SLC15A1: variants seen among roughly 807,000 people sequenced by gnomAD.
SLC15A1 encodes solute carrier family 15 member 1, also known as Caco-2 oligopeptide transporter.
SLC15A1 carries 83 observed loss-of-function variants against 92.9 expected under a neutral mutation model. That is an observed-to-expected ratio of 0.89 (90% CI 0.75 to 1.07). SLC15A1 has a LOEUF of 1.07. Ranked by LOEUF, SLC15A1 falls within the 50% of genes least tolerant of loss-of-function variation. SLC15A1 has a pLI of 0.00. For synonymous variants in SLC15A1, 322 were observed against 318.2 expected (o/e 1.01, Z -0.13); for missense variants, 857 against 880.1 (o/e 0.97, Z 0.33).
intron 21 of SLC15A1, 102 bp downstream of exon 21, chr13:98,687,479 T>G (rs952988471): frequency 7.1e-7 from 1 of 1,409,408 alleles, no homozygotes; most frequent in Admixed American, 2.1e-5. Flanking sequence ...CTTTCTAGAC[T>G]TTTTAAAAAA....
intron 1 of SLC15A1, among the ~76,000 whole-genome samples, chr13:98,750,260 A>T (rs1176272943): frequency 6.6e-6 from 1 of 151,948 alleles, no homozygotes; most frequent in Non-Finnish European, 1.5e-5. Context: ...CAACAGGCAC[A>T]TGCCACCATG....
intron 18 of SLC15A1, among the ~76,000 whole-genome samples, chr13:98,693,889 T>C (rs2088002020): frequency 6.6e-6 from 1 of 152,242 alleles, no homozygotes; most frequent in African/African-American, 2.4e-5. Flanking sequence ...TGGCTTCCCT[T>C]TGTTCTCAGA....
chr13:98,684,650 G>C lies in SLC15A1; in HGVS notation c.*74C>G, dbSNP rs1328142087. 10 of 1,184,954 alleles carry C rather than the reference G, an allele frequency of 8.4e-6. No homozygotes were observed. Among genetic ancestry groups the C allele is most frequent in the Non-Finnish European group, 1.2e-5 (10 of 809,182 alleles). 73.4% of individuals were successfully genotyped at this position (1,184,954 alleles called of 1,614,324 possible). On this transcript the variant is annotated 3_prime_UTR_variant, in exon 23 of 23. Coordinates refer to ENST00000376503, the MANE Select transcript of SLC15A1 (RefSeq NM_005073.4). The stretch of plus-strand genomic sequence containing the variant: ...CTTCCTCATCAGGGGCCATCCAATG[G>C]AGTGTCCTGCTACCTGGGGGCAGAG...
At chr13:98,704,191 TA>T in intron 17 of SLC15A1, 97 bp downstream of exon 17, 2 of 1,122,250 alleles carry the variant, frequency 1.8e-6, no homozygotes, top group Middle Eastern at 2.1e-4. Flanking sequence ...TGATCTAATA[TA>T]ACACTATATG....
chr13:98,687,352 G>T (rs905231788), intron 21 of SLC15A1, among the ~76,000 whole-genome samples: 6 of 152,228 alleles, frequency 3.9e-5, no homozygotes, highest in African/African-American at 1.4e-4. Flanking sequence ...TGACTGTGGG[G>T]CTATGGACAC....
chr13:98,693,851 G>A (rs1263133997), intron 18 of SLC15A1, among the ~76,000 whole-genome samples: 3 of 152,236 alleles, frequency 2.0e-5, no homozygotes, highest in Non-Finnish European at 4.4e-5. Context: ...AAGGGAAAGC[G>A]AAGCTTGGGA....
In SLC15A1 at chr13:98,704,272, G is replaced by T; in HGVS notation, c.1416+17C>A. The T allele has an allele frequency of 1.3e-6, 2 of 1,573,198 alleles. No individual in the cohort carries two copies. Among genetic ancestry groups the T allele is most frequent in the Non-Finnish European group, 1.7e-6 (2 of 1,165,096 alleles). On this transcript the variant is annotated intron_variant, in intron 17 of 22. Transcript: ENST00000376503. ...CACAAATAGCAAAGAGTCAGCTGTA[G>T]GTCTTCACACACTTACCACCTGGTA...
chr13:98,689,972 C>T (rs780415441), intron 18 of SLC15A1, among the ~76,000 whole-genome samples: 1 of 152,200 alleles, frequency 6.6e-6, no homozygotes, highest in Non-Finnish European at 1.5e-5. Flanking sequence ...GTGAACAGCA[C>T]GGATGGCTGA....
rs33982897 is a variant in SLC15A1, at chr13:98,705,202, GA to G, written c.1270-768del. Among the ~76,000 whole-genome samples, 240 of 127,076 alleles carry G rather than the reference GA, an allele frequency of 1.9e-3. 2 individuals carry two copies. Among genetic ancestry groups the G allele is most frequent in the Non-Finnish European group, 3.1e-3 (195 of 62,350 alleles). 83.4% of individuals were successfully genotyped at this position (127,076 alleles called of 152,430 possible). A position where few individuals can be genotyped will look rare whatever the true frequency, so the allele number is the denominator to read the frequency against. On this transcript the variant is annotated intron_variant, in intron 16 of 22. Transcript: ENST00000376503. ...CGACAGAGTGAGGCTCTGTATTTAAGAAAAAAAAAAAAAAAAAGGGATCTCT... is the reference window on the plus strand; with the variant it reads ...CGACAGAGTGAGGCTCTGTATTTAAGAAAAAAAAAAAAAAAAGGGATCTCT...
intron 4 of SLC15A1, among the ~76,000 whole-genome samples, chr13:98,725,894 T>C (rs1385452368): frequency 6.6e-6 from 1 of 152,124 alleles, no homozygotes; most frequent in Non-Finnish European, 1.5e-5. Flanking sequence ...CCTTGCTAAT[T>C]TCTTTATTTT....
chr13:98,694,154 C>T (rs2088004364), intron 18 of SLC15A1, among the ~76,000 whole-genome samples: 1 of 152,122 alleles, frequency 6.6e-6, no homozygotes, highest in South Asian at 2.1e-4. Flanking sequence ...CTTTTTAAAG[C>T]ATCAAATTAT....
Position 98,709,730 on chromosome 13 carries a change from C to T in SLC15A1, c.978+12G>A. On this transcript the variant is annotated intron_variant, in intron 13 of 22. Transcript: ENST00000376503. ...GACTCTGATCCCTGAAAGCAACTTA[C>T]ATGTCTTCTACCTGCATCTGATCGG... 1 of 1,614,202 alleles carries T rather than the reference C, an allele frequency of 6.2e-7. No individual in the cohort carries two copies. The highest frequency in any genetic ancestry group is 8.5e-7 in the Non-Finnish European group (1 of 1,180,036).
chr13:98,740,342 C>G (rs2088434394), intron 1 of SLC15A1, among the ~76,000 whole-genome samples: 1 of 152,204 alleles, frequency 6.6e-6, no homozygotes, highest in South Asian at 2.1e-4. Flanking sequence ...CACCAGCAAC[C>G]TGAGCTTCCC....
At chr13:98,690,835 G>A (rs2087969432) in intron 18 of SLC15A1, among the ~76,000 whole-genome samples, 1 of 152,042 alleles carries the variant, frequency 6.6e-6, no homozygotes, top group Non-Finnish European at 1.5e-5. Context: ...ACAATGGTAA[G>A]GATTTGCACA....
At chr13:98,726,955 G>T in intron 1 of SLC15A1, 96 bp from the exon 2 acceptor site, 1 of 1,199,868 alleles carries the variant, frequency 8.3e-7, no homozygotes, top group Non-Finnish European at 1.2e-6. Flanking sequence ...AGGGTGGTCA[G>T]AGGGGCCATT....
At chr13:98,736,340 T>C (rs1193319490) in intron 1 of SLC15A1, among the ~76,000 whole-genome samples, 2 of 152,122 alleles carry the variant, frequency 1.3e-5, no homozygotes, top group African/African-American at 4.8e-5. Context: ...AAAAATTAAT[T>C]CAAGATGGAT....
intron 1 of SLC15A1, among the ~76,000 whole-genome samples, chr13:98,732,741 C>T (rs2088360946): frequency 6.6e-6 from 1 of 152,098 alleles, no homozygotes; most frequent in Non-Finnish European, 1.5e-5. Flanking sequence ...AGAAGGCCTC[C>T]CTTTCAGGCA....
chr13:98,723,957 G>A lies in SLC15A1; in HGVS notation c.320C>T (p.Thr107Ile), dbSNP rs2088279332. Residue 107 changes from threonine to isoleucine, a missense_variant, in exon 5 of 23, where the codon ACA becomes ATA. By Grantham distance (89) the Thr-to-Ile change is moderately conservative. Coordinates refer to ENST00000376503, the MANE Select transcript of SLC15A1 (RefSeq NM_005073.4). Reference protein sequence around the residue: ...VTSVSSINDLTDHNHDGTPDS... With the variant: ...VTSVSSINDLIDHNHDGTPDS... ...GGGGGTGCCATCATGGTTGTGGTCTGTGAGGTCATTAATGGAGCTTACTGA... is the reference window on the plus strand; with the variant it reads ...GGGGGTGCCATCATGGTTGTGGTCTATGAGGTCATTAATGGAGCTTACTGA... 3.1e-6 allele frequency: 5 copies of A among 1,614,194 alleles called. No individual in the cohort carries two copies. Among genetic ancestry groups the A allele is most frequent in the South Asian group, 2.2e-5 (2 of 91,078 alleles).
intron 18 of SLC15A1, among the ~76,000 whole-genome samples, chr13:98,701,213 G>C (rs1287967540): frequency 6.6e-6 from 1 of 152,030 alleles, no homozygotes; most frequent in Admixed American, 6.6e-5. Flanking sequence ...TCTTTCATAA[G>C]CAATTTTGTA....
Sources: gnomAD v4.1 joint callset for allele counts (sites outside exome capture counted in the v4.1 genomes callset) on GRCh38, gnomAD v4.1.1 for gene constraint, MANE v1.5 for transcripts, NCBI Gene and HGNC (gene_info 2026-07-23, HGNC 2026-07-21) for gene names.